PKIB: variants seen among roughly 807,000 people sequenced by gnomAD.
PKIB encodes the protein cAMP-dependent protein kinase inhibitor beta, also known as PKI-beta.
A neutral mutation model predicts 4.5 loss-of-function variants in PKIB; 2 were observed. The observed-to-expected ratio is 0.44, with a 90% confidence interval of 0.18 to 1.39. PKIB has a LOEUF of 1.39. PKIB is among the 40% of genes most tolerant of loss of function. The pLI, the probability that PKIB is intolerant of heterozygous loss-of-function variation, is 0.27. For missense variants in PKIB, 94 were observed against 92.6 expected (o/e 1.02, Z -0.06); for synonymous variants, 38 against 36.0 (o/e 1.06, Z -0.20).
intron 2 of PKIB, among the ~76,000 whole-genome samples, chr6:122,553,631 A>G (rs111755274): frequency 2.2e-3 from 333 of 151,608 alleles, no homozygotes; most frequent in Non-Finnish European, 4.1e-3. Context: ...ATCCTTCTTT[A>G]TATTACCAGA....
intron 4 of PKIB, among the ~76,000 whole-genome samples, chr6:122,721,655 T>C (rs1202602140): frequency 1.3e-5 from 2 of 152,092 alleles, no homozygotes; most frequent in South Asian, 2.1e-4. Flanking sequence ...AAATAGGAAA[T>C]GTAAAAAAAT....
intron 1 of PKIB, among the ~76,000 whole-genome samples, chr6:122,632,403 T>C (rs1250150630): frequency 6.6e-6 from 1 of 152,160 alleles, no homozygotes; most frequent in Non-Finnish European, 1.5e-5. Context: ...ATCTAAGCAT[T>C]TACTATGTGT....
intron 3 of PKIB, among the ~76,000 whole-genome samples, chr6:122,712,349 A>T (rs2115057544): frequency 6.6e-6 from 1 of 152,340 alleles, no homozygotes; most frequent in East Asian, 1.9e-4. Context: ...GTTGGCACAT[A>T]AAGAAGTAAT....
At chr6:122,545,922 G>A (rs1043458154) in intron 2 of PKIB, among the ~76,000 whole-genome samples, 2 of 151,712 alleles carry the variant, frequency 1.3e-5, no homozygotes, top group African/African-American at 4.9e-5. Flanking sequence ...GGTTAATGTG[G>A]TTAAGTGTGT....
chr6:122,521,728 A>G (rs1472127140), intron 2 of PKIB, among the ~76,000 whole-genome samples: 1 of 152,052 alleles, frequency 6.6e-6, no homozygotes, highest in Non-Finnish European at 1.5e-5. Flanking sequence ...CAAAATGACG[A>G]TATGTTTGAT....
intron 2 of PKIB, 127 bp from the exon 3 acceptor site, chr6:122,674,951 A>G (rs1777613053): frequency 3.3e-5 from 5 of 152,466 alleles, no homozygotes; most frequent in African/African-American, 1.2e-4. Flanking sequence ...TTTCCCGAGA[A>G]AGTCAGGCAA....
rs1044043975 is a variant in PKIB, at chr6:122,570,749, A to C, written c.-247-15172A>C. ...GAAAAAAAGAAATTAAATAAAAACCACAGTCAAATAAAAATAAATTCAAGA... is the reference window on the plus strand; with the variant it reads ...GAAAAAAAGAAATTAAATAAAAACCCCAGTCAAATAAAAATAAATTCAAGA... On this transcript the variant is annotated intron_variant, in intron 2 of 6. Coordinates refer to the PKIB transcript ENST00000392491. 7.2e-5 allele frequency among the ~76,000 whole-genome samples: 11 copies of C among 152,300 alleles called. 1 individual carries two copies. The South Asian group carries it at 2.3e-3, about 32-fold the overall frequency.
intron 2 of PKIB, among the ~76,000 whole-genome samples, chr6:122,532,118 G>A (rs1047466640): frequency 2.0e-5 from 3 of 152,328 alleles, no homozygotes; most frequent in African/African-American, 7.2e-5. Context: ...TAAACAGGCA[G>A]TAAATGGTAG....
intron 2 of PKIB, among the ~76,000 whole-genome samples, chr6:122,657,129 G>A (rs1005440634): frequency 2.6e-5 from 4 of 152,116 alleles, no homozygotes; most frequent in East Asian, 1.9e-4. Context: ...GTCATCTCAC[G>A]TAGCTACTTC....
intron 2 of PKIB, among the ~76,000 whole-genome samples, chr6:122,663,808 T>G (rs1424547556): frequency 6.6e-6 from 1 of 152,128 alleles, no homozygotes; most frequent in Non-Finnish European, 1.5e-5. Context: ...TCACATGTAC[T>G]GGGGGTTAGG....
At chr6:122,602,924 C>A (rs1407269229) in intron 3 of PKIB, among the ~76,000 whole-genome samples, 2 of 146,656 alleles carry the variant, frequency 1.4e-5, no homozygotes, top group African/African-American at 2.5e-5. Context: ...CCACGGCACT[C>A]CAGCCTGGGT....
At chr6:122,721,827 T>A (rs1000439150) in intron 4 of PKIB, among the ~76,000 whole-genome samples, 1 of 151,734 alleles carries the variant, frequency 6.6e-6, no homozygotes, top group Non-Finnish European at 1.5e-5. Flanking sequence ...ATATGAGAAA[T>A]GTTTTTCCAA....
At chr6:122,538,598 G>A (rs1428964841) in intron 2 of PKIB, among the ~76,000 whole-genome samples, 1 of 152,078 alleles carries the variant, frequency 6.6e-6, no homozygotes, top group East Asian at 1.9e-4. Context: ...AGTATAGTTT[G>A]AAGTCAGGTA....
chr6:122,625,435 C>T (rs1231390492), intron 1 of PKIB, among the ~76,000 whole-genome samples: 1 of 152,040 alleles, frequency 6.6e-6, no homozygotes, highest in Non-Finnish European at 1.5e-5. Flanking sequence ...AAAAAATTTG[C>T]CCATGAATGT....
intron 3 of PKIB, among the ~76,000 whole-genome samples, chr6:122,594,050 T>C (rs9482257): frequency 0.098 from 14,966 of 152,134 alleles, 861 homozygotes; most frequent in East Asian, 0.25. Flanking sequence ...ATAATGAGGT[T>C]GTAATTATGC....
intron 3 of PKIB, among the ~76,000 whole-genome samples, chr6:122,587,612 A>G (rs1185021798): frequency 6.6e-6 from 1 of 152,210 alleles, no homozygotes; most frequent in African/African-American, 2.4e-5. Flanking sequence ...ACTGACTTCC[A>G]CAATGGTTGA....
At chr6:122,677,839 TTTTC>T (rs1777736087) in intron 3 of PKIB, among the ~76,000 whole-genome samples, 1 of 144,146 alleles carries the variant, frequency 6.9e-6, no homozygotes, top group South Asian at 2.3e-4. Context: ...ACCAGCTTTC[TTTTC>T]TTCCTTCCTT....
chr6:122,630,901 A>C (rs558860713), intron 1 of PKIB, among the ~76,000 whole-genome samples: 3 of 152,282 alleles, frequency 2.0e-5, no homozygotes, highest in African/African-American at 7.2e-5. Flanking sequence ...AAAAGCCCAT[A>C]TAAAAGTTAC....
intron 1 of PKIB, among the ~76,000 whole-genome samples, chr6:122,631,338 T>C (rs1775693119): frequency 6.6e-6 from 1 of 152,194 alleles, no homozygotes; most frequent in Non-Finnish European, 1.5e-5. Flanking sequence ...TTTTTCTCAC[T>C]TTTTTAGATT....
Sources: allele counts gnomAD v4.1 joint callset (sites outside exome capture counted in the v4.1 genomes callset), GRCh38; gene constraint gnomAD v4.1.1; transcripts MANE v1.5; gene names NCBI Gene and HGNC (gene_info 2026-07-23, HGNC 2026-07-21).